MCC: variants seen among roughly 807,000 people sequenced by gnomAD.
MCC encodes colorectal mutant cancer protein.
A neutral mutation model predicts 116.2 loss-of-function variants in MCC; 90 were observed. The observed-to-expected ratio is 0.77, with a 90% confidence interval of 0.65 to 0.92. MCC has a LOEUF of 0.92. Ranked by LOEUF, MCC falls within the 40% of genes least tolerant of loss-of-function variation. MCC has a pLI of 0.00. For synonymous variants in MCC, 578 were observed against 510.5 expected, an observed-to-expected ratio of 1.13 and a Z score of -1.78; for missense variants, 1,516 against 1,312.2, an observed-to-expected ratio of 1.16 and a Z score of -2.40.
At chr5:113,340,058 C>A (rs1206746778) in intron 3 of MCC, among the ~76,000 whole-genome samples, 1 of 152,234 alleles carries the variant, frequency 6.6e-6, no homozygotes, top group African/African-American at 2.4e-5. Context: ...ACATAATGGC[C>A]TTCTAAGTTG....
intron 1 of MCC, among the ~76,000 whole-genome samples, chr5:113,442,320 A>T (rs1280995071): frequency 6.6e-6 from 1 of 152,184 alleles, no homozygotes; most frequent in Non-Finnish European, 1.5e-5. Flanking sequence ...GTGTCTGTTC[A>T]TACACTTTGC....
At chr5:113,179,489 C>T (rs570713770) in intron 3 of MCC, among the ~76,000 whole-genome samples, 1 of 152,250 alleles carries the variant, frequency 6.6e-6, no homozygotes, top group Non-Finnish European at 1.5e-5. Context: ...GAAATTCTTC[C>T]CAAAATGGGT....
intron 1 of MCC, among the ~76,000 whole-genome samples, chr5:113,389,509 T>C (rs1769353926): frequency 1.3e-5 from 2 of 152,202 alleles, no homozygotes. Context: ...TGGTGGTCTT[T>C]TCCTTCTGAT....
At chr5:113,305,350 C>T (rs947756284) in intron 3 of MCC, among the ~76,000 whole-genome samples, 4 of 152,210 alleles carry the variant, frequency 2.6e-5, no homozygotes, top group Non-Finnish European at 5.9e-5. Flanking sequence ...GCTACTCTTA[C>T]CTGTGCTCCA....
At chr5:113,165,841 C>A (rs1369810445) in intron 3 of MCC, among the ~76,000 whole-genome samples, 1 of 151,992 alleles carries the variant, frequency 6.6e-6, no homozygotes, top group African/African-American at 2.4e-5. Flanking sequence ...TGGGTAATCA[C>A]AAATAGCACA....
At chr5:113,250,542 T>C (rs1206297244) in intron 3 of MCC, among the ~76,000 whole-genome samples, 4 of 151,164 alleles carry the variant, frequency 2.6e-5, no homozygotes, top group Non-Finnish European at 5.9e-5. Context: ...CCTTTATAAA[T>C]AATTGTTTTT....
chr5:113,027,999 A>G (rs6881233), intron 18 of MCC, among the ~76,000 whole-genome samples: 3,352 of 152,306 alleles, frequency 0.022, 47 homozygotes, highest in African/African-American at 0.03. Context: ...CCAATGCTGC[A>G]AAGCCAAACA....
intron 3 of MCC, among the ~76,000 whole-genome samples, chr5:113,222,234 T>C (rs974858383): frequency 6.6e-6 from 1 of 152,234 alleles, no homozygotes; most frequent in African/African-American, 2.4e-5. Flanking sequence ...GATTTTTGAA[T>C]ACTGAACTAG....
intron 3 of MCC, among the ~76,000 whole-genome samples, chr5:113,249,337 G>A (rs1764703964): frequency 6.6e-6 from 1 of 152,066 alleles, no homozygotes; most frequent in Non-Finnish European, 1.5e-5. Flanking sequence ...AAGCTCAGGG[G>A]GTCAGCAGAG....
chr5:113,218,342 C>CTT (rs1763404929), intron 3 of MCC, among the ~76,000 whole-genome samples: 2 of 152,108 alleles, frequency 1.3e-5, no homozygotes, highest in African/African-American at 4.8e-5. Flanking sequence ...TGTCACTGGG[C>CTT]TTTCGGGCTG....
chr5:113,431,336 A>G (rs551313537), intron 1 of MCC, among the ~76,000 whole-genome samples: 7 of 152,190 alleles, frequency 4.6e-5, no homozygotes, highest in Non-Finnish European at 8.8e-5. Context: ...TCTGGATGCC[A>G]GAAGTCTAAG....
At position 113,252,046 on chromosome 5, in the gene MCC, C is replaced by T. The variant is rs956632570; in HGVS notation, c.627+88473G>A. Among the ~76,000 whole-genome samples the T allele has an allele frequency of 9.4e-4, 143 of 152,290 alleles. 1 individual carries two copies. Among genetic ancestry groups the T allele is most frequent in the African/African-American group, 3.4e-3 (141 of 41,562 alleles). ...CCCACCCTTTTTCCACAAAAATCAA[C>T]AGAGAGTCCTGCTTTCTTTTCACCA... On this transcript the variant is annotated intron_variant, in intron 3 of 18. Coordinates refer to ENST00000408903, the MANE Select transcript of MCC (RefSeq NM_001085377.2).
intron 1 of MCC, among the ~76,000 whole-genome samples, chr5:113,459,989 C>T (rs567535799): frequency 2.0e-5 from 3 of 152,270 alleles, no homozygotes; most frequent in African/African-American, 4.8e-5. Flanking sequence ...GCTTCATCCA[C>T]ATGACATTCA....
intron 1 of MCC, among the ~76,000 whole-genome samples, chr5:113,441,555 A>T (rs1017413205): frequency 1.3e-5 from 2 of 152,006 alleles, no homozygotes; most frequent in Non-Finnish European, 2.9e-5. Flanking sequence ...CGGAACGTGC[A>T]GTTTTGTTAC....
chr5:113,273,096 GA>G (rs1765676408), intron 3 of MCC, among the ~76,000 whole-genome samples: 1 of 152,132 alleles, frequency 6.6e-6, no homozygotes, highest in Non-Finnish European at 1.5e-5. Flanking sequence ...AATAATACTA[GA>G]AAGAAAAATA....
At chr5:113,435,214 A>C in intron 1 of MCC, 1 of 209,568 alleles carries the variant, frequency 4.8e-6, no homozygotes, top group East Asian at 1.0e-4. Context: ...ATGCTTCCAA[A>C]CCCAGAGCCA....
In MCC at chr5:113,027,421, C is replaced by CT. The variant is rs1394873683; in HGVS notation, c.2940dup (p.Glu981ArgfsTer12). On this transcript the variant is annotated frameshift_variant, in exon 19 of 19. Transcript: ENST00000408903. LOFTEE classifies it high-confidence loss of function. ...TCCACCATGGCCATCATCTGCGACTCTAACTTCTTCAGTTTGTTTTGATGC... is the reference window on the plus strand; with the variant it reads ...TCCACCATGGCCATCATCTGCGACTCTTAACTTCTTCAGTTTGTTTTGATGC... 2 of 1,614,244 alleles carry CT rather than the reference C, an allele frequency of 1.2e-6. No homozygotes were observed. Among genetic ancestry groups the CT allele is most frequent in the Admixed American group, 1.7e-5 (1 of 60,032 alleles).
chr5:113,027,284 C>G lies in MCC; in HGVS notation c.*18G>C. The G allele has an allele frequency of 6.2e-7, 1 of 1,612,768 alleles. No individual in the cohort carries two copies. Among genetic ancestry groups the G allele is most frequent in the Middle Eastern group, 1.7e-4 (1 of 6,058 alleles). Reference sequence around the variant, plus strand: ...CAGTTTACTTCCCATGGGCAGAACTCCGGTGCGTGAGTGCTGATTAAAGCG... The same window carrying G: ...CAGTTTACTTCCCATGGGCAGAACTGCGGTGCGTGAGTGCTGATTAAAGCG... On this transcript the variant is annotated 3_prime_UTR_variant, in exon 19 of 19. Coordinates refer to ENST00000408903, the MANE Select transcript of MCC (RefSeq NM_001085377.2).
chr5:113,047,872 G>A (rs1752209740), intron 16 of MCC, among the ~76,000 whole-genome samples: 1 of 151,532 alleles, frequency 6.6e-6, no homozygotes, highest in African/African-American at 2.4e-5. Context: ...ATAAAAGAGT[G>A]AGTTTGCAAA....
Sources: gnomAD v4.1 joint callset for allele counts (sites outside exome capture counted in the v4.1 genomes callset) on GRCh38, gnomAD v4.1.1 for gene constraint, MANE v1.5 for transcripts, NCBI Gene and HGNC (gene_info 2026-07-23, HGNC 2026-07-21) for gene names.